VPS33A: variants seen among roughly 807,000 people sequenced by gnomAD.
VPS33A encodes the protein VPS33A core subunit of CORVET and HOPS complexes.
A neutral mutation model predicts 71.8 loss-of-function variants in VPS33A; 32 were observed. That is an observed-to-expected ratio of 0.45 (90% confidence interval 0.34 to 0.60). The LOEUF is 0.60. VPS33A is among the 20% of genes least tolerant of loss of function. The pLI is 0.02. For missense variants in VPS33A, 625 were observed against 748.5 expected, an observed-to-expected ratio of 0.84 and a Z score of 1.92; for synonymous variants, 311 against 292.7, an observed-to-expected ratio of 1.06 and a Z score of -0.64.
chr12:122,258,822 A>T (rs1420793042), intron 4 of VPS33A, among the ~76,000 whole-genome samples: 1 of 151,822 alleles, frequency 6.6e-6, no homozygotes, highest in East Asian at 1.9e-4. Flanking sequence ...CTCCACTAAA[A>T]ATACAAAAAC....
chr12:122,266,254 A>G (rs2136157446), intron 1 of VPS33A, 53 bp downstream of exon 1: 3 of 1,596,344 alleles, frequency 1.9e-6, no homozygotes, highest in African/African-American at 2.7e-5. Flanking sequence ...AACGGATTAA[A>G]CCAGGCCGGA....
chr12:122,257,490 G>A (rs1296899386), intron 4 of VPS33A, among the ~76,000 whole-genome samples: 2 of 147,594 alleles, frequency 1.4e-5, no homozygotes, highest in South Asian at 2.1e-4. Context: ...TGGACAACAC[G>A]GTGAAACCCC....
intron 3 of VPS33A, among the ~76,000 whole-genome samples, 197 bp from the exon 4 acceptor site, chr12:122,261,644 G>A (rs1470154955): frequency 2.6e-5 from 4 of 152,102 alleles, no homozygotes; most frequent in South Asian, 4.1e-4. Flanking sequence ...CAAGGCGGGC[G>A]GATCAGTTGA....
intron 5 of VPS33A, among the ~76,000 whole-genome samples, chr12:122,250,642 C>CA (rs897356636): frequency 2.6e-5 from 4 of 151,842 alleles, no homozygotes; most frequent in African/African-American, 9.7e-5. Context: ...GTGAAATCAC[C>CA]AAAAAAAGTA....
chr12:122,242,968 A>T (rs888676878), intron 7 of VPS33A, among the ~76,000 whole-genome samples: 2 of 152,210 alleles, frequency 1.3e-5, no homozygotes, highest in Non-Finnish European at 2.9e-5. Context: ...AAGAGAAAAG[A>T]AAAGTATATA....
Position 122,250,967 on chromosome 12 carries a change from A to T in VPS33A, c.600+16T>A, listed in dbSNP as rs757578497. The T allele has an allele frequency of 8.7e-6, 14 of 1,601,730 alleles. No individual in the cohort carries two copies. Among genetic ancestry groups the T allele is most frequent in the Non-Finnish European group, 1.2e-5 (14 of 1,169,912 alleles). On this transcript the variant is annotated intron_variant, in intron 5 of 12. Transcript: ENST00000267199. The stretch of plus-strand genomic sequence containing the variant: ...GAAGGGCCCTCCTTTACCACCACAA[A>T]GCAGCCGGTTCTCACCCGAGCGCAT...
chr12:122,230,671 C>T lies in VPS33A; in HGVS notation c.*1575G>A, dbSNP rs1954549127. On this transcript the variant is annotated 3_prime_UTR_variant, in exon 13 of 13. Transcript: ENST00000267199. ...GGTTACTAATCAACAACCAAAATCA[C>T]ACCTGGCTGGGACCCAGCAAAGCAG... The T allele has an allele frequency of 6.6e-6, 1 of 152,204 alleles. No individual in the cohort carries two copies. The highest frequency in any genetic ancestry group is 1.5e-5 in the Non-Finnish European group (1 of 68,032). The allele number at this position is 152,204 out of a possible 1,614,324, so 9.4% of individuals were successfully genotyped here.
At position 122,232,371 on chromosome 12, in the gene VPS33A, C is replaced by T. The variant is rs768142673; in HGVS notation, c.1666G>A (p.Ala556Thr). 1.6e-5 allele frequency: 26 copies of T among 1,614,032 alleles called. No individual in the cohort carries two copies. Among genetic ancestry groups the T allele is most frequent in the South Asian group, 9.9e-5 (9 of 91,084 alleles). The part of the protein sequence containing the change: ...LIFFLGGVTF[A>T]EIAALRFLSQ... ...AGAAATCGCAGGGCAGCAATTTCAG[C>T]GAAGGTTACGCCCCCAAGGAAAAAT... The change falls in exon 13 of 13, where the codon GCT (alanine) becomes ACT (threonine). Residue 556 changes from alanine to threonine, a missense_variant. Physicochemically the swap from Ala to Thr is moderately conservative, Grantham distance 58. Coordinates refer to ENST00000267199, the MANE Select transcript of VPS33A (RefSeq NM_022916.6).
At chr12:122,265,772 A>G in intron 1 of VPS33A, 1 of 447,998 alleles carries the variant, frequency 2.2e-6, no homozygotes. Context: ...AAATCCTATA[A>G]AATCTCTGAT....
In VPS33A at chr12:122,243,936, C is replaced by T. The variant is rs376353985; in HGVS notation, c.969+633G>A. ...CCTGTCAAAAAAAAATCTAGAACTA[C>T]ATACTCAGTGAAAAATTCATTTTCA... On this transcript the variant is annotated intron_variant, in intron 7 of 12. Coordinates refer to ENST00000267199, the MANE Select transcript of VPS33A (RefSeq NM_022916.6). Among the ~76,000 whole-genome samples the T allele has an allele frequency of 9.8e-5, 15 of 152,288 alleles. 1 individual carries two copies. In the East Asian group the frequency reaches 1.2e-3, roughly 12 times the overall value.
intron 10 of VPS33A, among the ~76,000 whole-genome samples, chr12:122,238,140 G>C (rs953964237): frequency 6.6e-6 from 1 of 151,936 alleles, no homozygotes; most frequent in African/African-American, 2.4e-5. Flanking sequence ...AATTCCTCTA[G>C]GTGTTAAAAA....
chr12:122,244,334 A>G (rs991068988), intron 7 of VPS33A, among the ~76,000 whole-genome samples: 3 of 152,106 alleles, frequency 2.0e-5, no homozygotes, highest in Non-Finnish European at 4.4e-5. Flanking sequence ...AACTGCACAC[A>G]CTTGCGCCTC....
At chr12:122,245,234 T>TA (rs1366620524) in intron 6 of VPS33A, among the ~76,000 whole-genome samples, 1 of 151,994 alleles carries the variant, frequency 6.6e-6, no homozygotes, top group Non-Finnish European at 1.5e-5. Context: ...CACACGCTGT[T>TA]AGAGAAGCTA....
At chr12:122,236,028 C>A in intron 10 of VPS33A, 105 bp from the exon 11 acceptor site, 2 of 1,399,340 alleles carry the variant, frequency 1.4e-6, no homozygotes, top group East Asian at 4.9e-5. Flanking sequence ...TACTGCAGGA[C>A]ATGTTACCAA....
chr12:122,265,821 G>A (rs1204812494), intron 1 of VPS33A: 1 of 422,560 alleles, frequency 2.4e-6, no homozygotes, highest in South Asian at 1.6e-5. Flanking sequence ...TGCTACTAGA[G>A]AAGTTATACT....
rs1954822869 is a variant in VPS33A at position 122,250,021 on chromosome 12, T to C, written c.625A>G (p.Met209Val). ...TGGCTTCCTGTAAACTCTCTCTTCATCCTGATCATCATATTGGCCACTTGC... is the reference window on the plus strand; with the variant it reads ...TGGCTTCCTGTAAACTCTCTCTTCACCCTGATCATCATATTGGCCACTTGC... ...ARQVANMMIR[M>V]KREFTGSQNS... The change falls in exon 6 of 13, where the codon ATG becomes GTG. Residue 209 changes from methionine to valine, a missense_variant. Physicochemically the swap from Met to Val is conservative, Grantham distance 21. Coordinates refer to ENST00000267199, the MANE Select transcript of VPS33A (RefSeq NM_022916.6). The C allele has an allele frequency of 6.2e-7, 1 of 1,612,520 alleles. No individual in the cohort carries two copies. Among genetic ancestry groups the C allele is most frequent in the South Asian group, 1.1e-5 (1 of 90,804 alleles).
chr12:122,244,116 G>A (rs1042843284), intron 7 of VPS33A, among the ~76,000 whole-genome samples: 4 of 152,094 alleles, frequency 2.6e-5, no homozygotes, highest in African/African-American at 9.7e-5. Flanking sequence ...TTCAAAGCTC[G>A]GGGTTGCTGG....
Position 122,235,935 on chromosome 12 carries a change from G to T in VPS33A, c.1303-12C>A. On this transcript the variant is annotated splice_polypyrimidine_tract_variant and intron_variant, in intron 10 of 12. Coordinates refer to ENST00000267199, the MANE Select transcript of VPS33A (RefSeq NM_022916.6). ...TCATAGCCGTATGTCTGCAAGGGAAGTCATTTGGCCTTGATGTCAGATCAG... is the reference window on the plus strand; with the variant it reads ...TCATAGCCGTATGTCTGCAAGGGAATTCATTTGGCCTTGATGTCAGATCAG... The T allele has an allele frequency of 6.3e-7, 1 of 1,594,700 alleles. No individual in the cohort carries two copies. The highest frequency in any genetic ancestry group is 8.5e-7 in the Non-Finnish European group (1 of 1,171,950).
intron 8 of VPS33A, chr12:122,241,054 A>C (rs1954706969): frequency 6.6e-6 from 1 of 151,616 alleles, no homozygotes; most frequent in Admixed American, 6.6e-5. Flanking sequence ...GAATCACTTG[A>C]ACCCGGGAGG....
Sources: gnomAD v4.1 joint callset for allele counts (sites outside exome capture counted in the v4.1 genomes callset) on GRCh38, gnomAD v4.1.1 for gene constraint, MANE v1.5 for transcripts, NCBI Gene and HGNC (gene_info 2026-07-23, HGNC 2026-07-21) for gene names.